PGAP1: variants seen among roughly 807,000 people sequenced by gnomAD.
The protein encoded by PGAP1 is post-GPI attachment to proteins inositol deacylase 1.
Under a neutral mutation model 127.0 loss-of-function variants are expected in PGAP1, and 76 were observed. That is an observed-to-expected ratio of 0.60 (90% CI 0.50 to 0.72). PGAP1 has a LOEUF of 0.72. Ranked by LOEUF, PGAP1 falls within the 30% of genes least tolerant of loss-of-function variation. The probability of loss-of-function intolerance (pLI) is 0.00; values close to 1 mark genes in which losing one functional copy is unlikely to be tolerated. For missense variants in PGAP1, 982 were observed against 1,071.3 expected, an observed-to-expected ratio of 0.92 and a Z score of 1.16; for synonymous variants, 362 against 366.5, an observed-to-expected ratio of 0.99 and a Z score of 0.14.
At chr2:196,876,218 G>A (rs1701565730) in intron 13 of PGAP1, among the ~76,000 whole-genome samples, 1 of 151,950 alleles carries the variant, frequency 6.6e-6, no homozygotes, top group African/African-American at 2.4e-5. Flanking sequence ...ATAGTCAAAA[G>A]GAAAATGTGA....
intron 24 of PGAP1, among the ~76,000 whole-genome samples, 156 bp from the exon 25 acceptor site, chr2:196,844,231 A>G (rs984637313): frequency 6.6e-6 from 1 of 152,160 alleles, no homozygotes; most frequent in Non-Finnish European, 1.5e-5. Flanking sequence ...ATACTTTAAA[A>G]TTGTTATAAA....
At chr2:196,874,738 G>A (rs1701510101) in intron 14 of PGAP1, among the ~76,000 whole-genome samples, 3 of 152,172 alleles carry the variant, frequency 2.0e-5, no homozygotes, top group African/African-American at 7.2e-5. Flanking sequence ...ATTAGGCTGG[G>A]CACGTTGGCT....
intron 17 of PGAP1, 80 bp from the exon 18 acceptor site, chr2:196,872,629 T>C (rs971883558): frequency 3.6e-5 from 34 of 947,020 alleles, no homozygotes; most frequent in South Asian, 1.1e-4. Flanking sequence ...CTCAGCACAA[T>C]ACAACTGAAT....
Position 196,865,016 on chromosome 2 carries a change from C to T in PGAP1, c.1832G>A (p.Arg611Lys), listed in dbSNP as rs760584810. ...YVVSNILLAY[R>K]GQLYSLFSTG... Reference sequence around the variant, plus strand: ...TGAGAAAAGAGAATATAACTGTCCTCTATAAGCAAGAAGGATATTAGATAC... The same window carrying T: ...TGAGAAAAGAGAATATAACTGTCCTTTATAAGCAAGAAGGATATTAGATAC... The change falls in exon 20 of 27, where the codon AGA (arginine) becomes AAA (lysine). Residue 611 changes from arginine to lysine, a missense_variant. By Grantham distance (26) the Arg-to-Lys change is conservative. Transcript: ENST00000354764. 14 of 1,563,922 alleles carry T rather than the reference C, an allele frequency of 9.0e-6. No individual in the cohort carries two copies. The highest frequency in any genetic ancestry group is 1.2e-5 in the Non-Finnish European group (14 of 1,163,254).
chr2:196,890,818 A>G lies in PGAP1; in HGVS notation c.1173+10T>C, dbSNP rs767930615. The G allele has an allele frequency of 6.8e-7, 1 of 1,480,710 alleles. No homozygotes were observed. The highest frequency in any genetic ancestry group is 9.4e-7 in the Non-Finnish European group (1 of 1,064,686). 91.7% of individuals were successfully genotyped at this position (1,480,710 alleles called of 1,614,324 possible). A position where few individuals can be genotyped will look rare whatever the true frequency, so the allele number is the denominator to read the frequency against. On this transcript the variant is annotated intron_variant, in intron 10 of 26. Coordinates refer to ENST00000354764, the MANE Select transcript of PGAP1 (RefSeq NM_024989.4). ...TCTTAAATTTACATAAAATGTACCA[A>G]TTATCTTACCAGCATAGTGCTCTGA...
rs530051864 is a variant in PGAP1, at chr2:196,887,806, T to C, written c.1174-1926A>G. The stretch of plus-strand genomic sequence containing the variant: ...TGGTGTTTCTCTGTAGGCAAAATAC[T>C]TGTGTGAGTCCTGTATCAGTTACCT... On this transcript the variant is annotated intron_variant, in intron 10 of 26. Transcript: ENST00000354764. Among the ~76,000 whole-genome samples, 8 of 152,336 alleles carry C rather than the reference T, an allele frequency of 5.3e-5. No individual in the cohort carries two copies. The East Asian group carries it at 1.5e-3, about 29-fold the overall frequency.
chr2:196,915,265 T>C lies in PGAP1; in HGVS notation c.477+1153A>G, dbSNP rs1702969063. Among the ~76,000 whole-genome samples the C allele has an allele frequency of 2.0e-5, 3 of 152,166 alleles. No individual in the cohort carries two copies. The South Asian group carries it at 6.2e-4, about 32-fold the overall frequency. On this transcript the variant is annotated intron_variant, in intron 3 of 26. Transcript: ENST00000354764. The stretch of plus-strand genomic sequence containing the variant: ...ACTCAGGTCTCCGCCCTTAGATCAC[T>C]GCTCTTTCATATCTTTGCTGAAACC...
In PGAP1 at chr2:196,839,013, C is replaced by G. The variant is rs1283573536; in HGVS notation, c.*2221G>C. ...GAGCTGAAATCGCGCCACTGCACTCCAGCCTGGTGACAGCGTGAGACTCCA... is the reference window on the plus strand; with the variant it reads ...GAGCTGAAATCGCGCCACTGCACTCGAGCCTGGTGACAGCGTGAGACTCCA... On this transcript the variant is annotated 3_prime_UTR_variant, in exon 27 of 27. Transcript: ENST00000354764. 1 of 152,916 alleles carries G rather than the reference C, an allele frequency of 6.5e-6. No homozygotes were observed. Among genetic ancestry groups the G allele is most frequent in the Non-Finnish European group, 1.5e-5 (1 of 68,488 alleles). 9.5% of individuals were successfully genotyped at this position (152,916 alleles called of 1,614,324 possible).
intron 1 of PGAP1, among the ~76,000 whole-genome samples, chr2:196,925,971 C>G (rs1345638281): frequency 6.6e-6 from 1 of 152,074 alleles, no homozygotes; most frequent in African/African-American, 2.4e-5. Flanking sequence ...GACGCTCGGT[C>G]CCTTTCTAGA....
At chr2:196,898,979 C>T (rs1032463766) in intron 5 of PGAP1, among the ~76,000 whole-genome samples, 3 of 150,206 alleles carry the variant, frequency 2.0e-5, no homozygotes, top group African/African-American at 7.3e-5. Context: ...GTAAAATATA[C>T]AAGGACAAAA....
At chr2:196,852,875 A>C (rs915641487) in intron 20 of PGAP1, among the ~76,000 whole-genome samples, 1 of 152,206 alleles carries the variant, frequency 6.6e-6, no homozygotes, top group Admixed American at 6.5e-5. Context: ...CATGTTATCA[A>C]AGGTCTGAGT....
In PGAP1 at chr2:196,847,081, G is replaced by A. The variant is rs768817708; in HGVS notation, c.2072C>T (p.Thr691Met). The A allele has an allele frequency of 2.5e-5, 40 of 1,613,528 alleles. No individual in the cohort carries two copies. Among genetic ancestry groups the A allele is most frequent in the Non-Finnish European group, 3.0e-5 (35 of 1,179,714 alleles). The change falls in exon 22 of 27, where the codon ACG (threonine) becomes ATG (methionine). Residue 691 changes from threonine to methionine, a missense_variant. Transcript: ENST00000354764. ...LISLILFLFG[T>M]CTAYWSGLLS... is the part of the protein sequence containing the mutation. ...TAGGCCACTCCAGTAGGCAGTACAC[G>A]TTCCAAACAGAAAGAGAATCAAGGA...
chr2:196,921,814 C>CA (rs1274681172), intron 1 of PGAP1, among the ~76,000 whole-genome samples: 1 of 151,376 alleles, frequency 6.6e-6, no homozygotes, highest in Non-Finnish European at 1.5e-5. Context: ...TAAGTTAGAA[C>CA]AAAAAAATAA....
chr2:196,879,462 A>C (rs768144592), intron 13 of PGAP1, among the ~76,000 whole-genome samples: 1 of 152,168 alleles, frequency 6.6e-6, no homozygotes, highest in Non-Finnish European at 1.5e-5. Context: ...TGGGAGGCCA[A>C]GGTGGGCGGA....
intron 1 of PGAP1, among the ~76,000 whole-genome samples, chr2:196,924,757 T>A (rs1703313410): frequency 6.6e-6 from 1 of 152,226 alleles, no homozygotes; most frequent in African/African-American, 2.4e-5. Flanking sequence ...ACACTAATTT[T>A]CTGTTTTTCC....
chr2:196,874,384 T>C (rs1204154271), intron 14 of PGAP1, among the ~76,000 whole-genome samples: 1 of 152,098 alleles, frequency 6.6e-6, no homozygotes, highest in African/African-American at 2.4e-5. Context: ...CTACTTTATC[T>C]CAGGAAGAAT....
intron 20 of PGAP1, among the ~76,000 whole-genome samples, chr2:196,854,044 G>A (rs1215250012): frequency 2.0e-5 from 3 of 150,616 alleles, no homozygotes; most frequent in Non-Finnish European, 4.4e-5. Context: ...GTGTATGTAC[G>A]CCACCACATA....
At chr2:196,880,794 T>C (rs954369164) in intron 12 of PGAP1, among the ~76,000 whole-genome samples, 2 of 152,224 alleles carry the variant, frequency 1.3e-5, no homozygotes, top group African/African-American at 2.4e-5. Context: ...GAGGAATGAA[T>C]TGGTAGAAGA....
chr2:196,922,996 T>C (rs1274066986), intron 1 of PGAP1, among the ~76,000 whole-genome samples: 2 of 152,030 alleles, frequency 1.3e-5, no homozygotes, highest in Admixed American at 6.6e-5. Context: ...CGCCCTTACC[T>C]ACCTTCTTAT....
Sources: allele counts gnomAD v4.1 joint callset (sites outside exome capture counted in the v4.1 genomes callset), GRCh38; gene constraint gnomAD v4.1.1; transcripts MANE v1.5; gene names NCBI Gene and HGNC (gene_info 2026-07-23, HGNC 2026-07-21).